XYLT1: variants seen among roughly 807,000 people sequenced by gnomAD.
XYLT1 encodes the protein xylosyltransferase 1.
Under a neutral mutation model 91.3 loss-of-function variants are expected in XYLT1, and 36 were observed. That is an observed-to-expected ratio of 0.39 (90% confidence interval 0.30 to 0.52). XYLT1 has a LOEUF of 0.52. Among genes scored for constraint, XYLT1 ranks in the 20% least tolerant of loss-of-function variants. XYLT1 has a pLI of 0.68. For missense variants in XYLT1, 1,242 were observed against 1,284.5 expected, an observed-to-expected ratio of 0.97 and a Z score of 0.51; for synonymous variants, 588 against 532.0, an observed-to-expected ratio of 1.11 and a Z score of -1.45.
intron 10 of XYLT1, among the ~76,000 whole-genome samples, chr16:17,125,383 T>TA (rs2030224038): frequency 6.6e-6 from 1 of 152,186 alleles, no homozygotes; most frequent in Non-Finnish European, 1.5e-5. Flanking sequence ...CCATTGCATT[T>TA]AAAATGCAAC....
At chr16:17,279,930 G>C (rs1307502926) in intron 2 of XYLT1, among the ~76,000 whole-genome samples, 1 of 152,184 alleles carries the variant, frequency 6.6e-6, no homozygotes, top group Non-Finnish European at 1.5e-5. Flanking sequence ...CAGACCTCCA[G>C]GGATGTCAGC....
chr16:17,156,368 T>A (rs1486335443), intron 6 of XYLT1, among the ~76,000 whole-genome samples: 2 of 152,312 alleles, frequency 1.3e-5, no homozygotes, highest in Admixed American at 6.5e-5. Context: ...GAGACACAAC[T>A]TTGCACAAAT....
intron 1 of XYLT1, among the ~76,000 whole-genome samples, chr16:17,460,272 T>A (rs536987773): frequency 8.7e-4 from 133 of 152,136 alleles, no homozygotes; most frequent in Admixed American, 3.7e-3. Context: ...GAGGGGCAGA[T>A]GACTCAAAGG....
At chr16:17,307,886 T>C (rs1026823260) in intron 2 of XYLT1, among the ~76,000 whole-genome samples, 1 of 152,100 alleles carries the variant, frequency 6.6e-6, no homozygotes, top group Non-Finnish European at 1.5e-5. Context: ...TGCACCACCT[T>C]CCTCTGCTGG....
intron 2 of XYLT1, among the ~76,000 whole-genome samples, chr16:17,262,115 G>A (rs927963119): frequency 6.6e-6 from 1 of 152,072 alleles, no homozygotes; most frequent in Non-Finnish European, 1.5e-5. Context: ...TTATTCACAG[G>A]TATTACTTAT....
chr16:17,260,777 T>C (rs1224128554), intron 2 of XYLT1, among the ~76,000 whole-genome samples: 1 of 152,244 alleles, frequency 6.6e-6, no homozygotes, highest in South Asian at 2.1e-4. Context: ...ATAGAAACTT[T>C]CTGGTCTGAA....
chr16:17,444,920 A>T (rs2036574566), intron 1 of XYLT1, among the ~76,000 whole-genome samples: 1 of 152,192 alleles, frequency 6.6e-6, no homozygotes, highest in African/African-American at 2.4e-5. Context: ...GAACCTAGCT[A>T]TGGCACCTGG....
At chr16:17,403,276 G>A (rs138419379) in intron 1 of XYLT1, among the ~76,000 whole-genome samples, 26 of 152,272 alleles carry the variant, frequency 1.7e-4, no homozygotes, top group East Asian at 3.9e-4. Flanking sequence ...AAGGGCAGGC[G>A]TCTTGCCCAA....
Position 17,214,240 on chromosome 16 carries a change from G to A in XYLT1, c.914-13586C>T, listed in dbSNP as rs149192244. Among the ~76,000 whole-genome samples, 119 of 152,358 alleles carry A rather than the reference G, an allele frequency of 7.8e-4. 5 individuals are homozygous for A. In the East Asian group the frequency reaches 0.017, roughly 21 times the overall value. On this transcript the variant is annotated intron_variant, in intron 3 of 11. Coordinates refer to ENST00000261381, the MANE Select transcript of XYLT1 (RefSeq NM_022166.4). Reference sequence around the variant, plus strand: ...CACTCTGGAAAGGCTACATAGCAGAGTGGAAAGAAGTTTCGTTTTGAAATC... The same window carrying A: ...CACTCTGGAAAGGCTACATAGCAGAATGGAAAGAAGTTTCGTTTTGAAATC...
intron 2 of XYLT1, among the ~76,000 whole-genome samples, chr16:17,332,705 G>A (rs899269515): frequency 2.0e-5 from 3 of 152,016 alleles, no homozygotes; most frequent in Non-Finnish European, 2.9e-5. Context: ...CCTCCCCACA[G>A]GTGGACACTG....
intron 6 of XYLT1, among the ~76,000 whole-genome samples, chr16:17,152,180 G>C (rs949048621): frequency 1.3e-5 from 2 of 152,150 alleles, no homozygotes; most frequent in African/African-American, 4.8e-5. Context: ...GATGACACTG[G>C]GAATGTACTT....
chr16:17,200,460 G>T (rs374802073), intron 4 of XYLT1, 22 bp downstream of exon 4: 129 of 1,603,730 alleles, frequency 8.0e-5, no homozygotes, highest in Non-Finnish European at 1.1e-4. Context: ...CCCAGCAAGG[G>T]GTGATCACAG....
chr16:17,294,817 C>T (rs999891821), intron 2 of XYLT1, among the ~76,000 whole-genome samples: 1 of 152,128 alleles, frequency 6.6e-6, no homozygotes, highest in African/African-American at 2.4e-5. Context: ...TACAAGCACC[C>T]TTATTCCTGG....
intron 2 of XYLT1, among the ~76,000 whole-genome samples, chr16:17,270,616 A>G (rs2033874385): frequency 6.6e-6 from 1 of 152,222 alleles, no homozygotes. Context: ...GAAGAAACAA[A>G]CATCAGCTAT....
intron 1 of XYLT1, among the ~76,000 whole-genome samples, chr16:17,378,234 G>A (rs576944320): frequency 1.3e-5 from 2 of 152,196 alleles, no homozygotes; most frequent in South Asian, 2.1e-4. Flanking sequence ...CAATATGCAT[G>A]GGTGTGTGTG....
intron 3 of XYLT1, among the ~76,000 whole-genome samples, chr16:17,244,342 T>C (rs557106649): frequency 1.3e-5 from 2 of 152,082 alleles, no homozygotes; most frequent in South Asian, 4.2e-4. Flanking sequence ...AGAAAATTGC[T>C]GGGATCTCGG....
chr16:17,253,121 A>T (rs892257157), intron 3 of XYLT1, among the ~76,000 whole-genome samples: 2 of 152,180 alleles, frequency 1.3e-5, no homozygotes, highest in African/African-American at 2.4e-5. Context: ...GTGTAATTAC[A>T]TCTTAGCTTT....
intron 1 of XYLT1, among the ~76,000 whole-genome samples, chr16:17,462,556 C>G (rs1217358531): frequency 6.6e-6 from 1 of 152,186 alleles, no homozygotes; most frequent in East Asian, 1.9e-4. Context: ...GCAAGATGAT[C>G]CGCACTGCAT....
chr16:17,174,529 C>T (rs2031896566), intron 5 of XYLT1, among the ~76,000 whole-genome samples: 1 of 152,136 alleles, frequency 6.6e-6, no homozygotes, highest in African/African-American at 2.4e-5. Context: ...GAAATACCCA[C>T]ATGATGTATG....
Sources: allele counts gnomAD v4.1 joint callset (sites outside exome capture counted in the v4.1 genomes callset), GRCh38; gene constraint gnomAD v4.1.1; transcripts MANE v1.5; gene names NCBI Gene and HGNC (gene_info 2026-07-23, HGNC 2026-07-21).